DOCK1: variants seen among roughly 807,000 people sequenced by gnomAD.
The protein encoded by DOCK1 is dedicator of cytokinesis protein 1.
In DOCK1, 138 loss-of-function variants were observed where a neutral mutation model predicts 262.7. The ratio of observed to expected loss-of-function variants is 0.53; its 90% CI spans 0.46 to 0.61. The LOEUF (loss-of-function observed/expected upper bound fraction) is 0.61. Ranked by LOEUF, DOCK1 falls within the 20% of genes least tolerant of loss-of-function variation. DOCK1 has a pLI of 0.00. For missense variants in DOCK1, 1,908 were observed against 2,370.7 expected, an observed-to-expected ratio of 0.80 and a Z score of 4.05; for synonymous variants, 866 against 867.4, an observed-to-expected ratio of 1.00 and a Z score of 0.03.
At chr10:127,016,656 C>CACAT (rs2041904548) in intron 12 of DOCK1, 1 of 151,746 alleles carries the variant, frequency 6.6e-6, no homozygotes, top group East Asian at 1.9e-4. Context: ...CACACATACA[C>CACAT]ACACACACAT....
chr10:127,031,259 G>C (rs1199425127), intron 16 of DOCK1, among the ~76,000 whole-genome samples: 1 of 152,180 alleles, frequency 6.6e-6, no homozygotes, highest in Non-Finnish European at 1.5e-5. Context: ...TAGGTTGAAA[G>C]CACACAGTCT....
Position 127,249,165 on chromosome 10 carries a change from T to G in DOCK1, c.2949+1056T>G, listed in dbSNP as rs181792312. ...AGAACAGGGGTTGTTGCACTTGACA[T>G]GTACCTTATTAAGAAATGGGAAGAA... On this transcript the variant is annotated intron_variant, in intron 28 of 51. Transcript: ENST00000623213. Among the ~76,000 whole-genome samples the G allele has an allele frequency of 1.8e-4, 27 of 152,220 alleles. No homozygotes were observed. The East Asian group carries it at 4.8e-3, about 27-fold the overall frequency.
At chr10:127,247,517 A>G (rs533341906) in intron 27 of DOCK1, among the ~76,000 whole-genome samples, 1 of 152,292 alleles carries the variant, frequency 6.6e-6, no homozygotes, top group Admixed American at 6.5e-5. Context: ...AAGGGCAGCA[A>G]GTTTCCAAGA....
intron 23 of DOCK1, 64 bp downstream of exon 23, chr10:127,061,840 A>T (rs2045550454): frequency 9.3e-6 from 12 of 1,289,226 alleles, no homozygotes; most frequent in Non-Finnish European, 1.3e-5. Flanking sequence ...TCTCTTTTGG[A>T]GGTAGGTATT....
intron 29 of DOCK1, among the ~76,000 whole-genome samples, chr10:127,278,065 C>A (rs1293288221): frequency 1.3e-5 from 2 of 152,104 alleles, no homozygotes; most frequent in Non-Finnish European, 2.9e-5. Context: ...TCCCTCTTAG[C>A]TGTAGACACC....
intron 3 of DOCK1, among the ~76,000 whole-genome samples, chr10:126,981,250 C>T (rs1172114016): frequency 6.6e-6 from 1 of 152,180 alleles, no homozygotes; most frequent in African/African-American, 2.4e-5. Context: ...GACCCAAACT[C>T]TTGATAAAGC....
chr10:127,306,572 G>A (rs960521197), intron 29 of DOCK1, among the ~76,000 whole-genome samples: 2 of 152,168 alleles, frequency 1.3e-5, no homozygotes, highest in African/African-American at 4.8e-5. Flanking sequence ...GGGTCGCTGG[G>A]AGATTGAGGA....
At position 127,361,307 on chromosome 10, in the gene DOCK1, T is replaced by G. The variant is rs57088578; in HGVS notation, c.3284-757T>G. Among the ~76,000 whole-genome samples the G allele has an allele frequency of 8.5e-3, 1,287 of 151,976 alleles. 14 individuals are homozygous for G. The highest frequency in any genetic ancestry group is 0.027 in the African/African-American group (1,124 of 41,466). On this transcript the variant is annotated intron_variant, in intron 32 of 51. Coordinates refer to ENST00000623213, the MANE Select transcript of DOCK1 (RefSeq NM_001290223.2). ...TTTTTTGTATTTTTAGTAGAGACGG[T>G]GTCTCACCGTGTTAGCCAGGATGGT...
chr10:127,051,703 C>G (rs907043904), intron 21 of DOCK1, among the ~76,000 whole-genome samples: 1 of 152,116 alleles, frequency 6.6e-6, no homozygotes, highest in Non-Finnish European at 1.5e-5. Flanking sequence ...TTGCCTCAGC[C>G]TCTTGAGTAG....
chr10:126,971,068 T>C (rs2038068551), intron 2 of DOCK1, among the ~76,000 whole-genome samples: 1 of 146,160 alleles, frequency 6.8e-6, no homozygotes, highest in Non-Finnish European at 1.5e-5. Flanking sequence ...TTTTTCCTTT[T>C]GAGACAGAGT....
intron 24 of DOCK1, among the ~76,000 whole-genome samples, chr10:127,109,548 C>T (rs2048740628): frequency 6.6e-6 from 1 of 152,152 alleles, no homozygotes; most frequent in African/African-American, 2.4e-5. Flanking sequence ...ATTTTTCCTT[C>T]CTAGCCCAGG....
At chr10:127,428,605 G>T (rs1206845647) in intron 47 of DOCK1, among the ~76,000 whole-genome samples, 1 of 140,950 alleles carries the variant, frequency 7.1e-6, no homozygotes, top group Non-Finnish European at 1.5e-5. Flanking sequence ...GCTGCCATGT[G>T]GATTGTGCCA....
intron 29 of DOCK1, among the ~76,000 whole-genome samples, chr10:127,313,709 TC>T (rs1013263896): frequency 6.6e-6 from 1 of 151,926 alleles, no homozygotes. Flanking sequence ...TCTCCTCTTT[TC>T]CCCCCGCCTC....
At position 127,176,749 on chromosome 10, in the gene DOCK1, T is replaced by G; in HGVS notation, c.2847+48985T>G. 5.1e-6 allele frequency: 1 copy of G among 194,734 alleles called. No individual in the cohort carries two copies. 12.1% of individuals were successfully genotyped at this position (194,734 alleles called of 1,614,324 possible). ...TTTGCAAATTATCTTTTCACACGCG[T>G]GACTCCCCTTCTTAGGCAGATGGTT... is the stretch of plus-strand genomic sequence containing the variant. On this transcript the variant is annotated intron_variant, in intron 27 of 51. Transcript: ENST00000623213. The surrounding 1 kb of genome is among the most constrained non-coding windows in gnomAD (Gnocchi z 4.4).
intron 31 of DOCK1, among the ~76,000 whole-genome samples, chr10:127,354,108 C>G (rs984982941): frequency 2.6e-5 from 4 of 152,192 alleles, no homozygotes; most frequent in Non-Finnish European, 5.9e-5. Flanking sequence ...CACACACCTC[C>G]TCTATGCACC....
intron 27 of DOCK1, among the ~76,000 whole-genome samples, chr10:127,152,348 G>A (rs1192622428): frequency 6.6e-6 from 1 of 152,222 alleles, no homozygotes; most frequent in East Asian, 1.9e-4. Flanking sequence ...CTATCATTGA[G>A]TTTCTAATTT....
intron 27 of DOCK1, among the ~76,000 whole-genome samples, chr10:127,187,930 C>G (rs1245791137): frequency 6.6e-6 from 1 of 152,198 alleles, no homozygotes; most frequent in Non-Finnish European, 1.5e-5. Flanking sequence ...TAAAGAACCA[C>G]TGGCCTTCTT....
At chr10:127,166,367 A>G (rs1335588149) in intron 27 of DOCK1, among the ~76,000 whole-genome samples, 1 of 152,176 alleles carries the variant, frequency 6.6e-6, no homozygotes, top group Admixed American at 6.5e-5. Flanking sequence ...GCCCGGCCCA[A>G]AAAAATGCCT....
intron 1 of DOCK1, among the ~76,000 whole-genome samples, chr10:126,920,974 A>G (rs1794286032): frequency 6.6e-6 from 1 of 152,162 alleles, no homozygotes; most frequent in Non-Finnish European, 1.5e-5. Flanking sequence ...AGGCGGGCAG[A>G]TCACCTGAGG....
Sources: gnomAD v4.1 joint callset for allele counts (sites outside exome capture counted in the v4.1 genomes callset) on GRCh38, gnomAD v4.1.1 for gene constraint, Gnocchi (gnomAD v3.1) non-coding constraint, MANE v1.5 for transcripts, NCBI Gene and HGNC (gene_info 2026-07-23, HGNC 2026-07-21) for gene names.